Variants in DLX3 observed in about 807,000 individuals in gnomAD.
DLX3 encodes homeobox protein DLX-3.
Under a neutral mutation model 28.0 loss-of-function variants are expected in DLX3, and 9 were observed. The ratio of observed to expected loss-of-function variants is 0.32; its 90% CI spans 0.19 to 0.56. DLX3 has a LOEUF of 0.56. DLX3 is among the 20% of genes least tolerant of loss of function. The pLI, the probability that DLX3 is intolerant of heterozygous loss-of-function variation, is 0.91. For synonymous variants in DLX3, 154 were observed against 167.9 expected (o/e 0.92, Z 0.64); for missense variants, 313 against 378.2 (o/e 0.83, Z 1.43).
At chr17:49,992,014 A>C in intron 2 of DLX3, 150 bp from the exon 3 acceptor site, 1 of 794,324 alleles carries the variant, frequency 1.3e-6, no homozygotes, top group Admixed American at 2.2e-5. Context: ...AGTTTCTTGG[A>C]TCTGGGATAG....
chr17:49,993,888 C>T (rs1410316547), intron 1 of DLX3, among the ~76,000 whole-genome samples: 2 of 152,136 alleles, frequency 1.3e-5, no homozygotes, highest in African/African-American at 4.8e-5. Context: ...GCCTTCCCGG[C>T]TCGCCTCCCA....
intron 1 of DLX3, 122 bp from the exon 2 acceptor site, chr17:49,993,712 G>A: frequency 8.5e-7 from 1 of 1,178,440 alleles, no homozygotes; most frequent in Non-Finnish European, 1.1e-6. Context: ...CGGGATTCCC[G>A]GCCGCGCGCT....
chr17:49,993,473 A>C lies in DLX3; in HGVS notation c.443T>G (p.Phe148Cys). 1 of 1,612,724 alleles carries C rather than the reference A, an allele frequency of 6.2e-7. No individual in the cohort carries two copies. Among genetic ancestry groups the C allele is most frequent in the Non-Finnish European group, 8.5e-7 (1 of 1,179,476 alleles). ...CAGCGCCAGGTACTGGGCCTTCTGG[A>C]AGCGGCGCTGCAGGGCGGCCAGCTG... is the stretch of plus-strand genomic sequence containing the variant. Reference protein sequence around the residue: ...SYQLAALQRRFQKAQYLALPE... With the variant: ...SYQLAALQRRCQKAQYLALPE... Residue 148 changes from phenylalanine to cysteine, a missense_variant, in exon 2 of 3, where the codon TTC (phenylalanine) becomes TGC (cysteine). Around this residue, in one of 3 missense-constraint regions of DLX3, gnomAD observed 183 missense variants for 197.7 expected, o/e 0.93. Transcript: ENST00000434704.
Position 49,991,763 on chromosome 17 carries a change from G to C in DLX3, c.618C>G (p.Ala206=), listed in dbSNP as rs1350719744. The change falls in exon 3 of 3, where the codon GCC becomes GCG. Residue 206 remains alanine, a synonymous_variant. Coordinates refer to ENST00000434704, the MANE Select transcript of DLX3 (RefSeq NM_005220.3). The stretch of plus-strand genomic sequence containing the variant: ...GGGCGGGTGATGGTGGTGAGTTGCA[G>C]GCCATGGAATCACTGTTATTGGGAC... ...EHSPNNSDSM[A]CNSPPSPALW... 9 of 1,614,102 alleles carry C rather than the reference G, an allele frequency of 5.6e-6. No homozygotes were observed. Among genetic ancestry groups the C allele is most frequent in the Non-Finnish European group, 7.6e-6 (9 of 1,180,006 alleles).
chr17:49,993,690 A>C (rs1906181302), intron 1 of DLX3, 100 bp from the exon 2 acceptor site: 1 of 1,371,540 alleles, frequency 7.3e-7, no homozygotes, highest in South Asian at 1.3e-5. Flanking sequence ...GCTTCCGCCC[A>C]CCGACTCGCC....
rs908033418 is a variant in DLX3 at position 49,994,954 on chromosome 17, G to A, written c.45C>T (p.Asp15=). ...CATGGCAGCTAAGGGAGCTGGAGAT[G>A]TCGGTGAGGATGCTGCTGAGCTTGC... is the stretch of plus-strand genomic sequence containing the variant. ...FDRKLSSILT[D]ISSSLSCHAG... The change falls in exon 1 of 3, where the codon GAC becomes GAT. Residue 15 remains aspartate (D), a synonymous_variant. Transcript: ENST00000434704. 6.2e-7 allele frequency: 1 copy of A among 1,613,574 alleles called. No individual in the cohort carries two copies. The highest frequency in any genetic ancestry group is 1.1e-5 in the South Asian group (1 of 91,070).
At chr17:49,992,261 T>A (rs1201404597) in intron 2 of DLX3, among the ~76,000 whole-genome samples, 1 of 152,128 alleles carries the variant, frequency 6.6e-6, no homozygotes, top group South Asian at 2.1e-4. Flanking sequence ...TAAAAGGCCG[T>A]TGAGGTGGGA....
At chr17:49,992,166 C>T (rs1906113441) in intron 2 of DLX3, among the ~76,000 whole-genome samples, 1 of 152,144 alleles carries the variant, frequency 6.6e-6, no homozygotes, top group South Asian at 2.1e-4. Flanking sequence ...AGCACTATTA[C>T]CTGCCTCATA....
rs1216922938 is a variant in DLX3, at chr17:49,994,800, G to A, written c.199C>T (p.His67Tyr). ...GQTVNPYTYH[H>Y]QFNLNGLAGT... ...GCAAGCCCATTGAGATTGAATTGGT[G>A]GTGGTAGGTGTAGGGGTTCACCGTC... The change falls in exon 1 of 3, where the codon CAC (histidine) becomes TAC (tyrosine). Residue 67 changes from histidine to tyrosine, a missense_variant. His to Tyr is a moderately conservative substitution (Grantham distance 83). Around this residue, in one of 3 missense-constraint regions of DLX3, gnomAD observed 183 missense variants for 197.7 expected, o/e 0.93. Transcript: ENST00000434704. 6.2e-7 allele frequency: 1 copy of A among 1,614,126 alleles called. No homozygotes were observed. Among genetic ancestry groups the A allele is most frequent in the Non-Finnish European group, 8.5e-7 (1 of 1,180,046 alleles).
chr17:49,994,097 C>G (rs1456539805), intron 1 of DLX3, among the ~76,000 whole-genome samples: 2 of 136,624 alleles, frequency 1.5e-5, no homozygotes, highest in East Asian at 5.1e-4. Context: ...TTCCCCCCTT[C>G]CTTCTCTCCT....
At chr17:49,994,610 G>C in intron 1 of DLX3, 64 bp downstream of exon 1, 1 of 1,584,288 alleles carries the variant, frequency 6.3e-7, no homozygotes, top group East Asian at 2.2e-5. Context: ...TCCAGTCCAT[G>C]CCTTTTCCTC....
chr17:49,993,610 C>T lies in DLX3; in HGVS notation c.326-20G>A. The T allele has an allele frequency of 6.2e-7, 1 of 1,611,456 alleles. No homozygotes were observed. The highest frequency in any genetic ancestry group is 8.5e-7 in the Non-Finnish European group (1 of 1,179,160). Reference sequence around the variant, plus strand: ...CCGACACTGCGGGGAACGCACCGGGCGGAAGAGGGGGCGGTTCAGCCTCGG... The same window carrying T: ...CCGACACTGCGGGGAACGCACCGGGTGGAAGAGGGGGCGGTTCAGCCTCGG... On this transcript the variant is annotated intron_variant, in intron 1 of 2. Transcript: ENST00000434704.
intron 2 of DLX3, 136 bp downstream of exon 2, chr17:49,993,264 A>T: frequency 4.5e-6 from 4 of 886,962 alleles, no homozygotes; most frequent in Non-Finnish European, 6.8e-6. Context: ...CCGAAGTTGA[A>T]CCTCGCAGGC....
rs148822903 is a variant in DLX3, at chr17:49,991,718, G to A, written c.663C>T (p.His221=). ...GACTGCGGGCAGGGGCCGGAGTGGA[G>A]TGGGAAGAGGTGTCCCAGAGGGCGG... ...PSPALWDTSS[H]STPAPARSQL... is the part of the protein sequence containing the mutation. The change falls in exon 3 of 3, where the codon CAC becomes CAT. Residue 221 remains histidine (H), a synonymous_variant. Transcript: ENST00000434704. 1.2e-5 allele frequency: 20 copies of A among 1,613,946 alleles called. No homozygotes were observed. The highest frequency in any genetic ancestry group is 1.7e-5 in the Non-Finnish European group (20 of 1,179,978).
Position 49,991,841 on chromosome 17 carries a change from G to C in DLX3, c.540C>G (p.Arg180=). The C allele has an allele frequency of 6.2e-7, 1 of 1,614,028 alleles. No individual in the cohort carries two copies. The highest frequency in any genetic ancestry group is 8.5e-7 in the Non-Finnish European group (1 of 1,180,012). The change falls in exon 3 of 3, where the codon CGC becomes CGG. Residue 180 remains arginine, a synonymous_variant. Coordinates refer to ENST00000434704, the MANE Select transcript of DLX3 (RefSeq NM_005220.3). ...QTQVKIWFQN[R]RSKFKKLYKN... Reference sequence around the variant, plus strand: ...TGTAGAGTTTCTTGAACTTGGAACGGCGGTTCTGGAACCAGATTTTCACCT... The same window carrying C: ...TGTAGAGTTTCTTGAACTTGGAACGCCGGTTCTGGAACCAGATTTTCACCT...
In DLX3 at chr17:49,994,953, T is replaced by A; in HGVS notation, c.46A>T (p.Ile16Phe). 3 of 1,613,552 alleles carry A rather than the reference T, an allele frequency of 1.9e-6. No individual in the cohort carries two copies. In the South Asian group the frequency reaches 3.3e-5, roughly 18 times the overall value. ...GCATGGCAGCTAAGGGAGCTGGAGA[T>A]GTCGGTGAGGATGCTGCTGAGCTTG... Reference protein sequence around the residue: ...DRKLSSILTDISSSLSCHAGS... With the variant: ...DRKLSSILTDFSSSLSCHAGS... The change falls in exon 1 of 3, where the codon ATC (isoleucine) becomes TTC (phenylalanine). Residue 16 changes from isoleucine to phenylalanine, a missense_variant. By Grantham distance (21) the Ile-to-Phe change is conservative. This residue lies in a region of DLX3 where 183 missense variants were observed against 197.7 expected (regional missense o/e 0.93). Coordinates refer to ENST00000434704, the MANE Select transcript of DLX3 (RefSeq NM_005220.3).
rs1598154112 is a variant in DLX3, at chr17:49,991,384, G to C, written c.*133C>G. ...TCATCTGGAAGCGCTTGGGTCCCTG[G>C]AGGAAGGGGCAAGGGAGGGGGAAAG... On this transcript the variant is annotated 3_prime_UTR_variant, in exon 3 of 3. Coordinates refer to ENST00000434704, the MANE Select transcript of DLX3 (RefSeq NM_005220.3). 1.2e-6 allele frequency: 1 copy of C among 824,914 alleles called. No homozygotes were observed. 51.1% of individuals were successfully genotyped at this position (824,914 alleles called of 1,614,324 possible). A position where few individuals can be genotyped will look rare whatever the true frequency, so the allele number is the denominator to read the frequency against.
chr17:49,994,969 G>C lies in DLX3; in HGVS notation c.30C>G (p.Ser10Arg). 1.2e-6 allele frequency: 2 copies of C among 1,612,798 alleles called. No individual in the cohort carries two copies. Among genetic ancestry groups the C allele is most frequent in the Non-Finnish European group, 1.7e-6 (2 of 1,180,034 alleles). Residue 10 changes from serine (S) to arginine (R), a missense_variant, in exon 1 of 3, where the codon AGC (serine) becomes AGG (arginine). Physicochemically the swap from Ser to Arg is moderately radical, Grantham distance 110. This residue lies in a region of DLX3 where 183 missense variants were observed against 197.7 expected (regional missense o/e 0.93). Coordinates refer to ENST00000434704, the MANE Select transcript of DLX3 (RefSeq NM_005220.3). ...AGCTGGAGATGTCGGTGAGGATGCTGCTGAGCTTGCGATCGAAGGAGCCAC... is the reference window on the plus strand; with the variant it reads ...AGCTGGAGATGTCGGTGAGGATGCTCCTGAGCTTGCGATCGAAGGAGCCAC... Reference protein sequence around the residue: MSGSFDRKLSSILTDISSSL... With the variant: MSGSFDRKLRSILTDISSSL...
rs1906053565 is a variant in DLX3 at position 49,990,606 on chromosome 17, T to G, written c.*911A>C. ...TTGCCTGGTATGTCTCTTTGGAGAT[T>G]TGGGGTTTGGCACCAAAACTGCCAA... On this transcript the variant is annotated 3_prime_UTR_variant, in exon 3 of 3. Transcript: ENST00000434704. 6.6e-6 allele frequency: 1 copy of G among 152,576 alleles called. No individual in the cohort carries two copies. Among genetic ancestry groups the G allele is most frequent in the African/African-American group, 2.4e-5 (1 of 41,432 alleles). The allele number at this position is 152,576 out of a possible 1,614,324, so 9.5% of individuals were successfully genotyped here. A position where few individuals can be genotyped will look rare whatever the true frequency, so the allele number is the denominator to read the frequency against.
Sources: allele counts gnomAD v4.1 joint callset (sites outside exome capture counted in the v4.1 genomes callset), GRCh38; gene constraint gnomAD v4.1.1; regional missense constraint gnomAD v4.1.1; transcripts MANE v1.5; gene names NCBI Gene and HGNC (gene_info 2026-07-23, HGNC 2026-07-21).